The following CCDC91 variants were observed in gnomAD, a reference collection of about 807,000 sequenced individuals.
The protein encoded by CCDC91 is coiled-coil domain containing 91.
A neutral mutation model predicts 63.2 loss-of-function variants in CCDC91; 48 were observed. The ratio of observed to expected loss-of-function variants is 0.76; its 90% CI spans 0.60 to 0.97. The LOEUF is 0.97. Among genes scored for constraint, CCDC91 ranks in the 50% least tolerant of loss-of-function variants. The probability of loss-of-function intolerance (pLI) is 0.00; values close to 1 mark genes in which losing one functional copy is unlikely to be tolerated. For synonymous variants in CCDC91, 167 were observed against 165.8 expected (o/e 1.01, Z -0.06); for missense variants, 500 against 494.6 (o/e 1.01, Z -0.10).
At chr12:28,364,826 A>AT (rs1355343275) in intron 7 of CCDC91, among the ~76,000 whole-genome samples, 13 of 152,148 alleles carry the variant, frequency 8.5e-5, no homozygotes, top group South Asian at 4.1e-4. Flanking sequence ...ACACATTATG[A>AT]TTTTTTCTAT....
At chr12:28,260,990 G>A (rs1946786712) in intron 3 of CCDC91, among the ~76,000 whole-genome samples, 1 of 152,012 alleles carries the variant, frequency 6.6e-6, no homozygotes, top group Non-Finnish European at 1.5e-5. Context: ...ACACATAACT[G>A]TGTTTAGGGA....
chr12:28,433,715 G>T (rs1230999026), intron 8 of CCDC91, among the ~76,000 whole-genome samples: 2 of 151,854 alleles, frequency 1.3e-5, no homozygotes, highest in Admixed American at 6.6e-5. Context: ...GTAATCTTTA[G>T]AATCAGTTTG....
intron 3 of CCDC91, among the ~76,000 whole-genome samples, chr12:28,304,412 A>AAG (rs1938475568): frequency 2.1e-5 from 3 of 140,650 alleles, no homozygotes; most frequent in South Asian, 2.7e-4. Flanking sequence ...GAAAAAAAAA[A>AAG]AAAGAAAAAA....
chr12:28,245,895 T>C (rs571701373), intron 1 of CCDC91, among the ~76,000 whole-genome samples: 30 of 152,252 alleles, frequency 2.0e-4, no homozygotes, highest in African/African-American at 7.2e-4. Flanking sequence ...TACAACCCAA[T>C]TATTTTACTC....
chr12:28,251,985 A>C (rs1565674331), intron 1 of CCDC91, among the ~76,000 whole-genome samples: 1 of 152,080 alleles, frequency 6.6e-6, no homozygotes, highest in Non-Finnish European at 1.5e-5. Context: ...GTGCAATAAA[A>C]ATTGTTTTGA....
intron 6 of CCDC91, among the ~76,000 whole-genome samples, chr12:28,350,529 T>C (rs1478395786): frequency 6.6e-6 from 1 of 152,186 alleles, no homozygotes; most frequent in East Asian, 1.9e-4. Context: ...TTTTTTGGTG[T>C]GTGAAGGAAG....
At chr12:28,221,388 T>C (rs1421565455) in intron 1 of CCDC91, among the ~76,000 whole-genome samples, 1 of 152,210 alleles carries the variant, frequency 6.6e-6, no homozygotes, top group Non-Finnish European at 1.5e-5. Flanking sequence ...TATCAAGTGA[T>C]TTTTCTCCTG....
At chr12:28,496,953 T>C (rs1041762989) in intron 12 of CCDC91, among the ~76,000 whole-genome samples, 3 of 147,224 alleles carry the variant, frequency 2.0e-5, no homozygotes, top group African/African-American at 4.9e-5. Context: ...CATATATATA[T>C]ATATATATGT....
At chr12:28,255,426 A>C (rs1946382573) in intron 1 of CCDC91, 1 of 152,166 alleles carries the variant, frequency 6.6e-6, no homozygotes, top group South Asian at 2.1e-4. Flanking sequence ...GACTTGGTTA[A>C]TTCTTGATGT....
intron 7 of CCDC91, among the ~76,000 whole-genome samples, chr12:28,363,975 T>G (rs1460668399): frequency 3.1e-4 from 47 of 151,732 alleles, no homozygotes; most frequent in African/African-American, 1.1e-3. Flanking sequence ...TTTTTTTTTT[T>G]TCTTCACCTA....
At chr12:28,194,115 A>G (rs1941524820) in intron 1 of CCDC91, among the ~76,000 whole-genome samples, 2 of 147,826 alleles carry the variant, frequency 1.4e-5, no homozygotes, top group South Asian at 4.2e-4. Context: ...AATTTTGCCT[A>G]ATCCAACGTT....
chr12:28,519,576 T>C (rs1940358629), intron 12 of CCDC91, among the ~76,000 whole-genome samples: 1 of 152,024 alleles, frequency 6.6e-6, no homozygotes, highest in Admixed American at 6.6e-5. Context: ...TTTTTCTTTT[T>C]TTTATTATTA....
rs192998940 is a variant in CCDC91 at position 28,422,852 on chromosome 12, A to G, written c.763-27309A>G. ...CGAAAACCAGGGAAAGAATCGTCCT[A>G]CTCATTGGTTGGGAAAAATTTGTAA... On this transcript the variant is annotated intron_variant, in intron 8 of 12. Transcript: ENST00000536442. Among the ~76,000 whole-genome samples, 396 of 152,242 alleles carry G rather than the reference A, an allele frequency of 2.6e-3. 1 individual carries two copies. Among genetic ancestry groups the G allele is most frequent in the African/African-American group, 9.1e-3 (377 of 41,570 alleles).
chr12:28,488,988 A>G (rs1219193256), intron 12 of CCDC91, among the ~76,000 whole-genome samples: 1 of 151,950 alleles, frequency 6.6e-6, no homozygotes, highest in Non-Finnish European at 1.5e-5. Context: ...ACATCCATTC[A>G]TTTTTGTATT....
chr12:28,370,213 A>T (rs1402202359), intron 7 of CCDC91, among the ~76,000 whole-genome samples: 1 of 152,196 alleles, frequency 6.6e-6, no homozygotes, highest in Non-Finnish European at 1.5e-5. Flanking sequence ...ATGTGAGATC[A>T]TCTCTTTGTG....
At chr12:28,431,103 T>TCA (rs1192310030) in intron 8 of CCDC91, among the ~76,000 whole-genome samples, 1 of 152,114 alleles carries the variant, frequency 6.6e-6, no homozygotes, top group Admixed American at 6.6e-5. Context: ...GAATTATATA[T>TCA]CACACACACA....
chr12:28,407,284 G>A (rs1181620771), intron 8 of CCDC91, among the ~76,000 whole-genome samples: 1 of 152,078 alleles, frequency 6.6e-6, no homozygotes, highest in African/African-American at 2.4e-5. Context: ...TTTCTTTATA[G>A]CAATGCAAGA....
At chr12:28,529,337 G>C (rs1941546319) in intron 12 of CCDC91, among the ~76,000 whole-genome samples, 1 of 152,180 alleles carries the variant, frequency 6.6e-6, no homozygotes, top group African/African-American at 2.4e-5. Context: ...ATGTAGCCTA[G>C]AGTTTGAGCC....
At chr12:28,423,586 A>AT (rs78622268) in intron 8 of CCDC91, among the ~76,000 whole-genome samples, 8,604 of 152,218 alleles carry the variant, frequency 0.057, 633 homozygotes, top group East Asian at 0.28. Context: ...ATAAGGTCAT[A>AT]TTTAAAGTAT....
Sources: allele counts gnomAD v4.1 joint callset (sites outside exome capture counted in the v4.1 genomes callset), GRCh38; gene constraint gnomAD v4.1.1; transcripts MANE v1.5; gene names NCBI Gene and HGNC (gene_info 2026-07-23, HGNC 2026-07-21).